FAAH2: variants seen among roughly 807,000 people sequenced by gnomAD.
FAAH2 encodes the protein fatty-acid amide hydrolase 2.
FAAH2 carries 60 observed loss-of-function variants against 36.9 expected under a neutral mutation model. The ratio of observed to expected loss-of-function variants is 1.63; its 90% CI spans 1.32 to 2.02. FAAH2 has a LOEUF of 2.02. Ranked by LOEUF, FAAH2 falls within the 30% of genes most tolerant of loss-of-function variation. The pLI, the probability that FAAH2 is intolerant of heterozygous loss-of-function variation, is 0.00. For synonymous variants in FAAH2, 214 were observed against 143.8 expected (o/e 1.49, Z -3.49); for missense variants, 689 against 397.5 (o/e 1.73, Z -6.23).
the FAAH2 span, among the ~76,000 whole-genome samples, chrX:57,273,171 A>G: frequency 8.9e-6 from 1 of 112,154 alleles, no homozygotes; most frequent in Non-Finnish European, 1.9e-5. Context: ...AAAGAAGGGC[A>G]TTACATTTTG....
intron 3 of FAAH2, among the ~76,000 whole-genome samples, chrX:57,318,283 A>C (rs1363683251): frequency 8.9e-6 from 1 of 111,955 alleles, no homozygotes; most frequent in Non-Finnish European, 1.9e-5. Context: ...ACTAATAAAG[A>C]AGAAAAGAGA....
At chrX:57,152,025 C>A in the FAAH2 span, among the ~76,000 whole-genome samples, 3 of 111,789 alleles carry the variant, frequency 2.7e-5, no homozygotes, top group Non-Finnish European at 5.6e-5. Flanking sequence ...CACTCCAGAC[C>A]CTGTTTGCCT....
Position 57,306,690 on chromosome X carries a change from TTGTGTGTG to T in FAAH2, c.276-3869_276-3862del, listed in dbSNP as rs758466450. Among the ~76,000 whole-genome samples the T allele has an allele frequency of 9.7e-3, 665 of 68,350 alleles. 1 individual carries two copies. Among genetic ancestry groups the T allele is most frequent in the South Asian group, 0.028 (31 of 1,105 alleles). The allele number at this position is 68,350 out of a possible 115,157, so 59.4% of individuals were successfully genotyped here. On this transcript the variant is annotated intron_variant, in intron 2 of 10. Transcript: ENST00000374900. Reference sequence around the variant, plus strand: ...TCAGTACAACGAGACTAGCAACATCTTGTGTGTGTGTGTGTGTGTGTGTGTGTGTGTGT... The same window carrying T: ...TCAGTACAACGAGACTAGCAACATCTTGTGTGTGTGTGTGTGTGTGTGTGT...
At chrX:57,469,461 GA>G (rs1311952482) in intron 10 of FAAH2, among the ~76,000 whole-genome samples, 1 of 111,363 alleles carries the variant, frequency 9.0e-6, no homozygotes, top group African/African-American at 3.3e-5. Flanking sequence ...GATCTCTGAT[GA>G]AACACACTTT....
the FAAH2 span, among the ~76,000 whole-genome samples, chrX:57,165,648 A>G: frequency 9.0e-6 from 1 of 111,291 alleles, no homozygotes; most frequent in African/African-American, 3.3e-5. Context: ...TATGTAACTA[A>G]CCTGCAGAAT....
intron 7 of FAAH2, among the ~76,000 whole-genome samples, chrX:57,385,963 C>T (rs1379501324): frequency 9.1e-6 from 1 of 109,443 alleles, no homozygotes; most frequent in Admixed American, 9.8e-5. Flanking sequence ...ATTTGAAAGT[C>T]ATGTTATAAA....
At chrX:57,438,519 A>G (rs928244770) in intron 8 of FAAH2, among the ~76,000 whole-genome samples, 1 of 110,418 alleles carries the variant, frequency 9.1e-6, no homozygotes, top group Non-Finnish European at 1.9e-5. Context: ...TAAGCAATCT[A>G]CAGATTTAAT....
intron 10 of FAAH2, among the ~76,000 whole-genome samples, chrX:57,475,199 T>A (rs907715326): frequency 8.9e-6 from 1 of 112,069 alleles, no homozygotes; most frequent in Non-Finnish European, 1.9e-5. Context: ...TTTAATTTGA[T>A]TAGATTGCAT....
intron 5 of FAAH2, among the ~76,000 whole-genome samples, chrX:57,348,754 C>A (rs2053899585): frequency 9.0e-6 from 1 of 110,985 alleles, no homozygotes; most frequent in South Asian, 3.7e-4. Context: ...GGGCTCAACA[C>A]AACCAACATT....
intron 5 of FAAH2, among the ~76,000 whole-genome samples, chrX:57,349,849 A>G (rs2053950104): frequency 9.0e-6 from 1 of 110,653 alleles, no homozygotes. Flanking sequence ...TAATGAAATA[A>G]CAGATGAAAA....
chrX:57,294,399 G>A (rs1238967882), intron 2 of FAAH2, among the ~76,000 whole-genome samples: 2 of 111,900 alleles, frequency 1.8e-5, no homozygotes, highest in African/African-American at 6.5e-5. Context: ...ATTGACTGAT[G>A]AGAAAATAGT....
the FAAH2 span, among the ~76,000 whole-genome samples, chrX:57,203,518 G>T: frequency 3.6e-5 from 4 of 111,701 alleles, no homozygotes; most frequent in African/African-American, 1.3e-4. Flanking sequence ...TTGAGGACCT[G>T]TTCCCAATAT....
chrX:57,364,414 C>A (rs185073361), intron 5 of FAAH2, among the ~76,000 whole-genome samples: 277 of 97,541 alleles, frequency 2.8e-3, no homozygotes, highest in African/African-American at 9.8e-3. Context: ...ATCTTCATCA[C>A]TTCTGCTTGT....
chrX:57,275,496 C>T, the FAAH2 span, among the ~76,000 whole-genome samples: 11 of 112,039 alleles, frequency 9.8e-5, no homozygotes, highest in African/African-American at 3.2e-4. Context: ...ACCATCGATG[C>T]TAGGAAGAAA....
Position 57,314,082 on chromosome X carries a change from T to A in FAAH2, c.412+3353T>A, listed in dbSNP as rs1382905343. 2.0e-4 allele frequency among the ~76,000 whole-genome samples: 22 copies of A among 111,648 alleles called. No homozygotes were observed. In the Admixed American group the frequency reaches 2.1e-3, roughly 11 times the overall value. ...ACAGGAAACAAAAAAGAGCAGGAGT[T>A]GCTATTCTTTTTATCAGATAAAACA... On this transcript the variant is annotated intron_variant, in intron 3 of 10. Coordinates refer to ENST00000374900, the MANE Select transcript of FAAH2 (RefSeq NM_174912.4).
At chrX:57,475,011 T>A (rs1013312236) in intron 10 of FAAH2, among the ~76,000 whole-genome samples, 4 of 111,948 alleles carry the variant, frequency 3.6e-5, no homozygotes, top group African/African-American at 1.3e-4. Context: ...GAGAAGTGTC[T>A]GTTCATATCC....
intron 4 of FAAH2, among the ~76,000 whole-genome samples, chrX:57,332,239 C>A (rs2053428570): frequency 8.9e-6 from 1 of 112,227 alleles, no homozygotes; most frequent in South Asian, 3.7e-4. Context: ...ACCTTGGTCA[C>A]ATGAAGTAGG....
At chrX:57,396,521 G>T (rs1356118648) in intron 7 of FAAH2, among the ~76,000 whole-genome samples, 2 of 108,768 alleles carry the variant, frequency 1.8e-5, no homozygotes, top group African/African-American at 6.7e-5. Flanking sequence ...CAGGAGTTTT[G>T]GTATGTTGTG....
chrX:57,450,124 C>T (rs1253022098), intron 10 of FAAH2, among the ~76,000 whole-genome samples: 2 of 111,013 alleles, frequency 1.8e-5, no homozygotes, highest in Admixed American at 9.7e-5. Flanking sequence ...GGAGGATTTT[C>T]CTCAGCTTGA....
Sources: gnomAD v4.1 joint callset for allele counts (sites outside exome capture counted in the v4.1 genomes callset) on GRCh38, gnomAD v4.1.1 for gene constraint, MANE v1.5 for transcripts, NCBI Gene and HGNC (gene_info 2026-07-23, HGNC 2026-07-21) for gene names.